AGBL1: variants seen among roughly 807,000 people sequenced by gnomAD.
AGBL1 encodes AGBL carboxypeptidase 1.
AGBL1 carries 130 observed loss-of-function variants against 118.9 expected under a neutral mutation model. The ratio of observed to expected loss-of-function variants is 1.09; its 90% CI spans 0.95 to 1.26. The LOEUF (loss-of-function observed/expected upper bound fraction) is 1.26. Among genes scored for constraint, AGBL1 ranks in the 50% most tolerant of loss-of-function variants. The probability of loss-of-function intolerance (pLI) is 0.00; values close to 1 mark genes in which losing one functional copy is unlikely to be tolerated. For synonymous variants in AGBL1, 555 were observed against 478.9 expected, an observed-to-expected ratio of 1.16 and a Z score of -2.08; for missense variants, 1,584 against 1,298.1, an observed-to-expected ratio of 1.22 and a Z score of -3.38.
rs539933826 is a variant in AGBL1, at chr15:86,853,134, C to T, written c.3159-53953C>T. ...GGCCAAGGCATCAGAATTCTGACAA[C>T]TCCCCAGATGACCAGTCAAGTTTTA... On this transcript the variant is annotated intron_variant, in intron 22 of 22. Coordinates refer to ENST00000614907, the MANE Select transcript of AGBL1 (RefSeq NM_001386094.1). Among the ~76,000 whole-genome samples the T allele has an allele frequency of 2.0e-4, 31 of 152,326 alleles. No homozygotes were observed. In the South Asian group the frequency reaches 5.0e-3, roughly 24 times the overall value.
rs139831044 is a variant in AGBL1 at position 86,319,743 on chromosome 15, G to GT, written c.2374+24371dup. Among the ~76,000 whole-genome samples, 279 of 47,244 alleles carry GT rather than the reference G, an allele frequency of 5.9e-3. 69 individuals are homozygous for GT. The highest frequency in any genetic ancestry group is 8.1e-3 in the East Asian group (10 of 1,236). 31.0% of individuals were successfully genotyped at this position (47,244 alleles called of 152,430 possible). A position where few individuals can be genotyped will look rare whatever the true frequency, so the allele number is the denominator to read the frequency against. On this transcript the variant is annotated intron_variant, in intron 17 of 22. Coordinates refer to ENST00000614907, the MANE Select transcript of AGBL1 (RefSeq NM_001386094.1). ...TGTACTTTGTTTTGCCTCTTTGGTAGTTTTTTTTTTTTTTTTTTTTTTTTT... is the reference window on the plus strand; with the variant it reads ...TGTACTTTGTTTTGCCTCTTTGGTAGTTTTTTTTTTTTTTTTTTTTTTTTTT...
Position 87,003,149 on chromosome 15 carries a change from CCCTTCAATACCTAATTTATTGAG to C in AGBL1, c.3323+15062_3323+15084del, listed in dbSNP as rs1323063463. On this transcript the variant is annotated intron_variant, in intron 24 of 24. Transcript: ENST00000441037. ...TAGCTCTTATTATTTTCAGATACGT[CCCTTCAATACCTAATTTATTGAG>C]AGTTTTTAGTATGAAGGGCTGTTGA... Among the ~76,000 whole-genome samples, 508 of 151,998 alleles carry C rather than the reference CCCTTCAATACCTAATTTATTGAG, an allele frequency of 3.3e-3. 8 individuals carry two copies. The highest frequency in any genetic ancestry group is 0.011 in the African/African-American group (476 of 41,402).
chr15:86,862,099 G>A (rs139479029), intron 22 of AGBL1, among the ~76,000 whole-genome samples: 62 of 152,192 alleles, frequency 4.1e-4, no homozygotes, highest in African/African-American at 1.5e-3. Flanking sequence ...TATGAAATTG[G>A]AATAACAACA....
At chr15:86,875,484 C>A (rs2079794388) in intron 22 of AGBL1, among the ~76,000 whole-genome samples, 1 of 152,172 alleles carries the variant, frequency 6.6e-6, no homozygotes, top group African/African-American at 2.4e-5. Context: ...CAGCGTTGAG[C>A]CTCATAACTT....
chr15:86,502,183 T>G (rs2142161909), intron 18 of AGBL1, among the ~76,000 whole-genome samples: 1 of 151,710 alleles, frequency 6.6e-6, no homozygotes, highest in Non-Finnish European at 1.5e-5. Context: ...CCTAAGTATT[T>G]TATTCTTTTT....
At chr15:86,761,137 T>C (rs2078017884) in intron 22 of AGBL1, among the ~76,000 whole-genome samples, 1 of 152,010 alleles carries the variant, frequency 6.6e-6, no homozygotes, top group Non-Finnish European at 1.5e-5. Context: ...TCTGATTACT[T>C]CCGGAATTAA....
chr15:86,711,527 A>G (rs890106448), intron 22 of AGBL1, among the ~76,000 whole-genome samples: 1 of 152,180 alleles, frequency 6.6e-6, no homozygotes, highest in Non-Finnish European at 1.5e-5. Flanking sequence ...TCTTACAAGA[A>G]TATGAATTTT....
chr15:86,270,417 G>A (rs140380628), intron 14 of AGBL1, among the ~76,000 whole-genome samples: 1 of 152,286 alleles, frequency 6.6e-6, no homozygotes, highest in East Asian at 1.9e-4. Context: ...GCAAGGTAGA[G>A]GAACAACAAA....
At chr15:86,821,333 T>C (rs966373336) in intron 22 of AGBL1, among the ~76,000 whole-genome samples, 1 of 151,976 alleles carries the variant, frequency 6.6e-6, no homozygotes, top group Non-Finnish European at 1.5e-5. Context: ...TAATAATAAA[T>C]AAAATAAACA....
chr15:86,456,614 G>A (rs1020488302), intron 18 of AGBL1, among the ~76,000 whole-genome samples: 2 of 152,120 alleles, frequency 1.3e-5, no homozygotes. Context: ...TCACATTTGG[G>A]GCAATAGTCC....
intron 17 of AGBL1, among the ~76,000 whole-genome samples, chr15:86,356,913 G>A (rs370578506): frequency 1.3e-5 from 2 of 152,184 alleles, no homozygotes; most frequent in East Asian, 1.9e-4. Context: ...AGCAACATAC[G>A]TACCAATTGA....
chr15:86,331,248 T>A (rs1458883170), intron 17 of AGBL1, among the ~76,000 whole-genome samples: 4 of 148,370 alleles, frequency 2.7e-5, no homozygotes, highest in Non-Finnish European at 4.5e-5. Context: ...AAAAACAAAG[T>A]CTGAGAAATA....
intron 17 of AGBL1, among the ~76,000 whole-genome samples, chr15:86,351,090 GC>G (rs1379212544): frequency 4.6e-5 from 7 of 152,160 alleles, no homozygotes; most frequent in African/African-American, 1.7e-4. Context: ...TCTGTTTTGT[GC>G]TGCTAGGCTA....
intron 21 of AGBL1, among the ~76,000 whole-genome samples, chr15:86,634,515 T>C (rs909320661): frequency 6.6e-6 from 1 of 152,064 alleles, no homozygotes; most frequent in Non-Finnish European, 1.5e-5. Context: ...AAAATCTATA[T>C]AGAGAGAAAG....
At chr15:86,396,372 G>A (rs1252757249) in intron 17 of AGBL1, among the ~76,000 whole-genome samples, 1 of 151,672 alleles carries the variant, frequency 6.6e-6, no homozygotes, top group Admixed American at 6.6e-5. Context: ...TATAAACAAA[G>A]GAGGGAAGAC....
At chr15:86,709,808 T>C (rs11632024) in intron 22 of AGBL1, among the ~76,000 whole-genome samples, 1 of 151,968 alleles carries the variant, frequency 6.6e-6, no homozygotes, top group East Asian at 1.9e-4. Flanking sequence ...CTTTTCTAAA[T>C]CATAGTTTCC....
At chr15:86,864,303 T>C (rs1296517348) in intron 22 of AGBL1, among the ~76,000 whole-genome samples, 1 of 152,206 alleles carries the variant, frequency 6.6e-6, no homozygotes, top group African/African-American at 2.4e-5. Context: ...TTCCACTAAC[T>C]TGCATTGACT....
chr15:86,942,467 T>C lies in AGBL1; in HGVS notation c.3222-45520T>C, dbSNP rs538122869. Reference sequence around the variant, plus strand: ...TCTGAACTTGTGGCTTCTTAGGTTATTCATTGTCTCAAAAAGTTAATCAGA... The same window carrying C: ...TCTGAACTTGTGGCTTCTTAGGTTACTCATTGTCTCAAAAAGTTAATCAGA... On this transcript the variant is annotated intron_variant, in intron 23 of 24. Transcript: ENST00000441037. Among the ~76,000 whole-genome samples, 337 of 152,344 alleles carry C rather than the reference T, an allele frequency of 2.2e-3. 1 individual carries two copies. Among genetic ancestry groups the C allele is most frequent in the Non-Finnish European group, 3.6e-3 (246 of 68,026 alleles).
intron 23 of AGBL1, among the ~76,000 whole-genome samples, chr15:86,928,402 C>T (rs147694453): frequency 1.3e-5 from 2 of 152,170 alleles, no homozygotes; most frequent in Non-Finnish European, 2.9e-5. Flanking sequence ...CAGGTCCCGT[C>T]TGAGTCCAAA....
Sources: gnomAD v4.1 joint callset for allele counts (sites outside exome capture counted in the v4.1 genomes callset) on GRCh38, gnomAD v4.1.1 for gene constraint, MANE v1.5 for transcripts, NCBI Gene and HGNC (gene_info 2026-07-23, HGNC 2026-07-21) for gene names.